COL26A1: variants seen among roughly 807,000 people sequenced by gnomAD.
The protein encoded by COL26A1 is collagen alpha-1(XXVI) chain.
COL26A1 carries 41 observed loss-of-function variants against 59.3 expected under a neutral mutation model. That is an observed-to-expected ratio of 0.69 (90% CI 0.54 to 0.90). The LOEUF is 0.90. Among genes scored for constraint, COL26A1 ranks in the 40% least tolerant of loss-of-function variants. COL26A1 has a pLI of 0.00. For synonymous variants in COL26A1, 266 were observed against 256.0 expected (o/e 1.04, Z -0.37); for missense variants, 612 against 602.3 (o/e 1.02, Z -0.17).
intron 1 of COL26A1, among the ~76,000 whole-genome samples, chr7:101,379,676 C>T (rs1299508799): frequency 6.6e-6 from 1 of 152,158 alleles, no homozygotes; most frequent in Non-Finnish European, 1.5e-5. Context: ...GATAGGAGGT[C>T]AGCACAAGAT....
chr7:101,384,864 A>T (rs1338098825), intron 1 of COL26A1, among the ~76,000 whole-genome samples: 3 of 152,174 alleles, frequency 2.0e-5, no homozygotes, highest in African/African-American at 7.2e-5. Flanking sequence ...GGAAGCCAAC[A>T]GTGCAGCCTT....
intron 1 of COL26A1, among the ~76,000 whole-genome samples, chr7:101,400,336 CCTTT>C (rs1034005662): frequency 3.4e-5 from 5 of 149,108 alleles, no homozygotes; most frequent in Non-Finnish European, 1.5e-5. Context: ...GTCCACACTG[CCTTT>C]CTTTTTTTTC....
intron 3 of COL26A1, among the ~76,000 whole-genome samples, chr7:101,485,777 C>T (rs973667420): frequency 6.6e-6 from 1 of 152,188 alleles, no homozygotes; most frequent in Middle Eastern, 3.4e-3. Flanking sequence ...CAGTGGGAGG[C>T]AGAGGGCTGA....
chr7:101,417,266 T>C (rs1242239670), intron 1 of COL26A1, among the ~76,000 whole-genome samples: 2 of 152,148 alleles, frequency 1.3e-5, no homozygotes, highest in Non-Finnish European at 2.9e-5. Flanking sequence ...CCTGAGAATT[T>C]GTCTGTTGGT....
At chr7:101,476,929 C>T (rs1330632532) in intron 3 of COL26A1, among the ~76,000 whole-genome samples, 3 of 150,458 alleles carry the variant, frequency 2.0e-5, no homozygotes, top group South Asian at 2.1e-4. Context: ...CTACAACCTC[C>T]TCTGCCTGGG....
Position 101,543,991 on chromosome 7 carries a change from TC to T in COL26A1, c.605-3del. 1.3e-6 allele frequency: 2 copies of T among 1,548,824 alleles called. No individual in the cohort carries two copies. Among genetic ancestry groups the T allele is most frequent in the Non-Finnish European group, 1.7e-6 (2 of 1,143,722 alleles). ...TGTTCTGATGCCCTGTCTCCTTCTC[TC>T]CCCAGGGCCCCCGGGGCAGACAGGA... On this transcript the variant is annotated splice_region_variant and splice_polypyrimidine_tract_variant and intron_variant, in intron 5 of 12. Transcript: ENST00000313669.
intron 1 of COL26A1, among the ~76,000 whole-genome samples, chr7:101,373,250 C>T (rs541117125): frequency 6.8e-4 from 104 of 152,250 alleles, no homozygotes; most frequent in Non-Finnish European, 1.2e-3. Context: ...TGGTGGATCA[C>T]GGATAGGCAG....
At chr7:101,451,666 C>G (rs1793340696) in intron 3 of COL26A1, among the ~76,000 whole-genome samples, 6 of 149,932 alleles carry the variant, frequency 4.0e-5, no homozygotes. Flanking sequence ...AAGACAAAAG[C>G]TTTGTGGTTA....
At chr7:101,488,032 G>C (rs1203720069) in intron 3 of COL26A1, among the ~76,000 whole-genome samples, 1 of 151,930 alleles carries the variant, frequency 6.6e-6, no homozygotes, top group African/African-American at 2.4e-5. Context: ...CAGGACTTTG[G>C]AAGGTCAAGG....
intron 3 of COL26A1, among the ~76,000 whole-genome samples, chr7:101,502,124 C>G (rs7795561): frequency 0.088 from 13,428 of 152,182 alleles, 1,185 homozygotes; most frequent in African/African-American, 0.23. Context: ...CTGGGGCAGG[C>G]AGATCACCTG....
At chr7:101,389,744 G>A (rs1253784847) in intron 1 of COL26A1, among the ~76,000 whole-genome samples, 1 of 152,036 alleles carries the variant, frequency 6.6e-6, no homozygotes, top group Non-Finnish European at 1.5e-5. Context: ...GTAGAGACGA[G>A]GTTTCTCCAT....
chr7:101,406,587 G>C (rs1408008435), intron 1 of COL26A1, among the ~76,000 whole-genome samples: 2 of 152,198 alleles, frequency 1.3e-5, no homozygotes, highest in Admixed American at 1.3e-4. Flanking sequence ...TCAGCTTCCA[G>C]CTTCTGCCTC....
At chr7:101,522,098 C>T (rs963532055) in intron 3 of COL26A1, among the ~76,000 whole-genome samples, 1 of 152,124 alleles carries the variant, frequency 6.6e-6, no homozygotes, top group East Asian at 1.9e-4. Flanking sequence ...TTTCAGTGAA[C>T]ATATTTATTC....
intron 3 of COL26A1, among the ~76,000 whole-genome samples, chr7:101,462,416 A>T (rs1307500979): frequency 6.6e-6 from 1 of 152,002 alleles, no homozygotes; most frequent in Non-Finnish European, 1.5e-5. Context: ...TCCTGGGTTC[A>T]AGCAATTCTC....
chr7:101,517,564 A>C (rs1229215741), intron 3 of COL26A1, among the ~76,000 whole-genome samples: 1 of 152,118 alleles, frequency 6.6e-6, no homozygotes, highest in Non-Finnish European at 1.5e-5. Context: ...CTTACTCACT[A>C]TCACGAGAAC....
At chr7:101,434,047 TCCC>T (rs1792844030) in intron 2 of COL26A1, among the ~76,000 whole-genome samples, 2 of 16,034 alleles carry the variant, frequency 1.2e-4, no homozygotes, top group East Asian at 2.6e-3. Flanking sequence ...TTCCCTTCCC[TCCC>T]TCCCTCCCTC....
At chr7:101,398,696 C>T (rs1791921404) in intron 1 of COL26A1, among the ~76,000 whole-genome samples, 1 of 152,144 alleles carries the variant, frequency 6.6e-6, no homozygotes, top group Admixed American at 6.6e-5. Context: ...TTGTCTGTAC[C>T]TCGGGAAGCA....
At chr7:101,382,836 A>G (rs1791477942) in intron 1 of COL26A1, among the ~76,000 whole-genome samples, 1 of 152,144 alleles carries the variant, frequency 6.6e-6, no homozygotes, top group Non-Finnish European at 1.5e-5. Context: ...GCTTGAGGCC[A>G]GGAGTTTGAG....
At chr7:101,422,750 C>T (rs1490477384) in intron 2 of COL26A1, among the ~76,000 whole-genome samples, 1 of 152,064 alleles carries the variant, frequency 6.6e-6, no homozygotes, top group Non-Finnish European at 1.5e-5. Context: ...TGAAGTGATC[C>T]TCCTGCGCCA....
Sources: allele counts gnomAD v4.1 joint callset (sites outside exome capture counted in the v4.1 genomes callset), GRCh38; gene constraint gnomAD v4.1.1; transcripts MANE v1.5; gene names NCBI Gene and HGNC (gene_info 2026-07-23, HGNC 2026-07-21).